CMYA5: variants seen among roughly 807,000 people sequenced by gnomAD.
The protein encoded by CMYA5 is cardiomyopathy-associated protein 5.
CMYA5 carries 246 observed loss-of-function variants against 318.9 expected under a neutral mutation model. The observed-to-expected ratio is 0.77, with a 90% CI of 0.70 to 0.86. The LOEUF is 0.86. Among genes scored for constraint, CMYA5 ranks in the 40% least tolerant of loss-of-function variants. CMYA5 has a pLI of 0.00. For synonymous variants in CMYA5, 1,641 were observed against 1,729.5 expected (o/e 0.95, Z 1.27); for missense variants, 4,589 against 4,678.2 (o/e 0.98, Z 0.56).
intron 1 of CMYA5, among the ~76,000 whole-genome samples, chr5:79,714,419 T>TTTTTTC (rs71615552): frequency 0.018 from 2,363 of 132,928 alleles, 142 homozygotes; most frequent in Middle Eastern, 0.055. Flanking sequence ...ATCTGATATC[T>TTTTTTC]TTTTTCTTTT....
intron 9 of CMYA5, among the ~76,000 whole-genome samples, chr5:79,764,528 A>C (rs1828713628): frequency 6.6e-6 from 1 of 152,208 alleles, no homozygotes; most frequent in South Asian, 2.1e-4. Flanking sequence ...TTGCTGGGTC[A>C]AATGGTATTT....
chr5:79,730,843 A>T lies in CMYA5; in HGVS notation c.2078A>T (p.Asp693Val). The T allele has an allele frequency of 6.2e-7, 1 of 1,613,948 alleles. No homozygotes were observed. Among genetic ancestry groups the T allele is most frequent in the Non-Finnish European group, 8.5e-7 (1 of 1,179,860 alleles). The change falls in exon 2 of 13, where the codon GAC becomes GTC. Residue 693 changes from aspartate to valine, a missense_variant. Asp to Val is a radical substitution (Grantham distance 152, BLOSUM62 -3). This residue lies in a region of CMYA5 where 2,132 missense variants were observed against 2,131.3 expected (regional missense o/e 1.00). Coordinates refer to ENST00000446378, the MANE Select transcript of CMYA5 (RefSeq NM_153610.5). The stretch of plus-strand genomic sequence containing the variant: ...TCAGAAAGTGGGTGTTACACACCAG[A>T]CTCCACATCTGCTTCTGAATATTCA... ...EASESGCYTP[D>V]STSASEYSVP... is the part of the protein sequence containing the mutation.
intron 1 of CMYA5, among the ~76,000 whole-genome samples, chr5:79,703,069 C>T (rs368192294): frequency 8.5e-5 from 13 of 152,306 alleles, no homozygotes; most frequent in African/African-American, 3.1e-4. Context: ...GAAGAGAGAT[C>T]ATTTGCTCAA....
At chr5:79,787,047 A>C (rs1412922506) in intron 9 of CMYA5, among the ~76,000 whole-genome samples, 2 of 152,220 alleles carry the variant, frequency 1.3e-5, no homozygotes, top group East Asian at 3.8e-4. Context: ...AGTTGACTAT[A>C]TATGTGGAAT....
intron 8 of CMYA5, 77 bp downstream of exon 8, chr5:79,762,034 T>A: frequency 6.8e-7 from 1 of 1,463,222 alleles, no homozygotes; most frequent in Non-Finnish European, 9.2e-7. Context: ...AGCCAGTAAG[T>A]GTTTATTAAG....
rs1248491778 is a variant in CMYA5, at chr5:79,731,812, C to T, written c.3047C>T (p.Thr1016Ile). 2.5e-6 allele frequency: 4 copies of T among 1,612,516 alleles called. No individual in the cohort carries two copies. The African/African-American group carries it at 4.0e-5, about 16-fold the overall frequency. The change falls in exon 2 of 13, where the codon ACA becomes ATA. Residue 1016 changes from threonine (T) to isoleucine (I), a missense_variant. By Grantham distance (89) the Thr-to-Ile change is moderately conservative. This residue lies in a region of CMYA5 where 2,132 missense variants were observed against 2,131.3 expected (regional missense o/e 1.00). Transcript: ENST00000446378. ...ATCCCTCCCTTTAGAATCTCAGAAA[C>T]AGAGAAAAATGAACTTGAGCCTGAT... ...VSIPPFRISE[T>I]EKNELEPDSL...
At chr5:79,747,765 C>T (rs1165500999) in intron 5 of CMYA5, among the ~76,000 whole-genome samples, 4 of 152,168 alleles carry the variant, frequency 2.6e-5, no homozygotes, top group Admixed American at 6.5e-5. Context: ...AGATCTGACA[C>T]GTTCTTCCTT....
rs573869692 is a variant in CMYA5 at position 79,757,240 on chromosome 5, A to T, written c.11111-1513A>T. On this transcript the variant is annotated intron_variant, in intron 6 of 12. Transcript: ENST00000446378. Reference sequence around the variant, plus strand: ...TGCTATTTTTTCAACTATGGGAATAACCTTTTCCTCTAATTTGTAAAATAT... The same window carrying T: ...TGCTATTTTTTCAACTATGGGAATATCCTTTTCCTCTAATTTGTAAAATAT... Among the ~76,000 whole-genome samples, 8 of 152,136 alleles carry T rather than the reference A, an allele frequency of 5.3e-5. No individual in the cohort carries two copies. The East Asian group carries it at 1.5e-3, about 29-fold the overall frequency.
intron 9 of CMYA5, among the ~76,000 whole-genome samples, chr5:79,774,883 C>T (rs1828912684): frequency 6.6e-6 from 1 of 152,128 alleles, no homozygotes; most frequent in Non-Finnish European, 1.5e-5. Context: ...TGAGGAATCC[C>T]AGCATTTTTC....
chr5:79,697,378 G>C (rs1043072562), intron 1 of CMYA5, among the ~76,000 whole-genome samples: 5 of 152,140 alleles, frequency 3.3e-5, no homozygotes, highest in African/African-American at 1.2e-4. Flanking sequence ...GTCTTGTAAT[G>C]AGAGTCTGGC....
chr5:79,742,105 CTT>C (rs1561215655), intron 2 of CMYA5, among the ~76,000 whole-genome samples: 13 of 107,886 alleles, frequency 1.2e-4, no homozygotes, highest in African/African-American at 4.8e-4. Context: ...CTTCTTTCTT[CTT>C]CTCTTCTTCT....
rs566930347 is a variant in CMYA5 at position 79,763,053 on chromosome 5, T to C, written c.11408-9T>C. 2.9e-5 allele frequency: 47 copies of C among 1,609,854 alleles called. No homozygotes were observed. In the South Asian group the frequency reaches 4.4e-4, roughly 15 times the overall value. ...TTGCTCCACGACTGTCCTGACTCTC[T>C]TTCTGCAGCACCCTCCACCCCTGTG... On this transcript the variant is annotated splice_polypyrimidine_tract_variant and intron_variant, in intron 8 of 12. Transcript: ENST00000446378.
chr5:79,777,724 A>G (rs1469878732), intron 9 of CMYA5, among the ~76,000 whole-genome samples: 1 of 152,022 alleles, frequency 6.6e-6, no homozygotes, highest in Non-Finnish European at 1.5e-5. Flanking sequence ...TCAGTGAGCC[A>G]AGGTTGTGCC....
At position 79,733,558 on chromosome 5, in the gene CMYA5, T is replaced by C. The variant is rs1827971699; in HGVS notation, c.4793T>C (p.Val1598Ala). The change falls in exon 2 of 13, where the codon GTA becomes GCA. Residue 1598 changes from valine to alanine, a missense_variant. Physicochemically the swap from Val to Ala is moderately conservative, Grantham distance 64. This residue lies in a region of CMYA5 where 2,132 missense variants were observed against 2,131.3 expected (regional missense o/e 1.00). Transcript: ENST00000446378. ...SDDKNKPAVE[V>A]SSTAQGDFPS... ...GATAAGAACAAACCGGCAGTGGAGG[T>C]ATCTTCTACAGCTCAGGGAGACTTC... The C allele has an allele frequency of 1.2e-6, 2 of 1,613,864 alleles. No homozygotes were observed. The highest frequency in any genetic ancestry group is 2.7e-5 in the African/African-American group (2 of 75,032).
At chr5:79,700,247 G>C (rs1827148638) in intron 1 of CMYA5, among the ~76,000 whole-genome samples, 1 of 152,192 alleles carries the variant, frequency 6.6e-6, no homozygotes, top group African/African-American at 2.4e-5. Flanking sequence ...CCAGGCTTTA[G>C]TGACAACACT....
chr5:79,700,609 ACAT>A (rs1827155438), intron 1 of CMYA5, among the ~76,000 whole-genome samples: 1 of 152,268 alleles, frequency 6.6e-6, no homozygotes, highest in Non-Finnish European at 1.5e-5. Context: ...AAGATGGTCA[ACAT>A]CATTATCCAT....
chr5:79,724,039 C>T (rs943609685), intron 1 of CMYA5, among the ~76,000 whole-genome samples: 14 of 151,838 alleles, frequency 9.2e-5, no homozygotes, highest in Non-Finnish European at 1.8e-4. Flanking sequence ...TTTAATCGGC[C>T]GGGTGTGGTA....
intron 9 of CMYA5, among the ~76,000 whole-genome samples, chr5:79,776,566 G>A (rs138708510): frequency 4.0e-4 from 61 of 151,814 alleles, no homozygotes; most frequent in South Asian, 1.3e-3. Context: ...AAAATCAACC[G>A]GGATGCTTAC....
At position 79,785,412 on chromosome 5, in the gene CMYA5, A is replaced by G. The variant is rs550740016; in HGVS notation, c.11556-3559A>G. Among the ~76,000 whole-genome samples the G allele has an allele frequency of 8.4e-4, 127 of 151,906 alleles. 1 individual carries two copies. The highest frequency in any genetic ancestry group is 7.4e-4 in the Non-Finnish European group (50 of 67,936). Reference sequence around the variant, plus strand: ...AGAATTGAAATTTTTATGATGTTGCATTTTCCTATCCAAGAACTGATGTGC... The same window carrying G: ...AGAATTGAAATTTTTATGATGTTGCGTTTTCCTATCCAAGAACTGATGTGC... On this transcript the variant is annotated intron_variant, in intron 9 of 12. Transcript: ENST00000446378.
Sources: allele counts gnomAD v4.1 joint callset (sites outside exome capture counted in the v4.1 genomes callset), GRCh38; gene constraint gnomAD v4.1.1; regional missense constraint gnomAD v4.1.1; transcripts MANE v1.5; gene names NCBI Gene and HGNC (gene_info 2026-07-23, HGNC 2026-07-21).